The following CXXC5 variants were observed in gnomAD, a reference collection of about 807,000 sequenced individuals.
CXXC5 encodes CXXC-type zinc finger protein 5.
CXXC5 carries 2 observed loss-of-function variants against 17.6 expected under a neutral mutation model. The observed-to-expected ratio is 0.11, with a 90% CI of 0.05 to 0.36. The LOEUF (loss-of-function observed/expected upper bound fraction) is 0.36. Among genes scored for constraint, CXXC5 ranks in the 10% least tolerant of loss-of-function variants. The pLI, the probability that CXXC5 is intolerant of heterozygous loss-of-function variation, is 1.00. For missense variants in CXXC5, 343 were observed against 458.3 expected (o/e 0.75, Z 2.30); for synonymous variants, 171 against 193.0 (o/e 0.89, Z 0.94).
At chr5:139,669,718 A>G (rs190419195) in intron 1 of CXXC5, among the ~76,000 whole-genome samples, 2 of 151,926 alleles carry the variant, frequency 1.3e-5, no homozygotes, top group East Asian at 3.9e-4. Context: ...CTTCCCTTCT[A>G]CACACACACT....
intron 1 of CXXC5, among the ~76,000 whole-genome samples, chr5:139,671,396 C>T (rs1038205315): frequency 1.3e-5 from 2 of 152,228 alleles, no homozygotes; most frequent in Non-Finnish European, 2.9e-5. Context: ...CCCCTCTCTT[C>T]CTCCTCCAGC....
chr5:139,658,898 G>C lies in CXXC5; in HGVS notation c.-161+10053G>C, dbSNP rs899892958. Among the ~76,000 whole-genome samples the C allele has an allele frequency of 3.3e-5, 5 of 152,236 alleles. No individual in the cohort carries two copies. Among genetic ancestry groups the C allele is most frequent in the Admixed American group, 6.5e-5 (1 of 15,284 alleles). On this transcript the variant is annotated intron_variant, in intron 1 of 2. Transcript: ENST00000302517. This position sits in a 1 kb window ranked among gnomAD's most constrained non-coding sequence, Gnocchi z 4.1. ...GTGTCATCTAGAGCAGCCTAGCTGG[G>C]CGTTTGAACCCAGAACACTGAGAGA... is the stretch of plus-strand genomic sequence containing the variant.
rs1048868239 is a variant in CXXC5, at chr5:139,668,769, G to C, written c.-160-11595G>C. Among the ~76,000 whole-genome samples, 5 of 152,216 alleles carry C rather than the reference G, an allele frequency of 3.3e-5. No individual in the cohort carries two copies. The highest frequency in any genetic ancestry group is 1.3e-4 in the Admixed American group (2 of 15,292). On this transcript the variant is annotated intron_variant, in intron 1 of 2. Coordinates refer to ENST00000302517, the MANE Select transcript of CXXC5 (RefSeq NM_016463.9). The surrounding 1 kb of genome is among the most constrained non-coding windows in gnomAD (Gnocchi z 4.1). ...GAGAAGGCTGGGGGATGACTGATAGGGGGAGTCGGGAGGGGATGTTGAGCC... is the reference window on the plus strand; with the variant it reads ...GAGAAGGCTGGGGGATGACTGATAGCGGGAGTCGGGAGGGGATGTTGAGCC...
intron 1 of CXXC5, among the ~76,000 whole-genome samples, chr5:139,673,854 AAGAG>A (rs1554084638): frequency 1.7e-4 from 25 of 146,940 alleles, no homozygotes; most frequent in South Asian, 1.3e-3. Flanking sequence ...AAAAAAAAAA[AAGAG>A]AGAGAGAAAA....
chr5:139,656,090 G>A (rs1242817735), intron 1 of CXXC5, among the ~76,000 whole-genome samples: 1 of 152,228 alleles, frequency 6.6e-6, no homozygotes, highest in Non-Finnish European at 1.5e-5. Context: ...CCTCAGACGT[G>A]CCCAGCCTGC....
chr5:139,669,608 C>A (rs556062117), intron 1 of CXXC5, among the ~76,000 whole-genome samples: 22 of 152,156 alleles, frequency 1.4e-4, no homozygotes, highest in Non-Finnish European at 2.1e-4. Flanking sequence ...GATGTGGCCA[C>A]ACTCATTTCA....
chr5:139,678,392 C>G (rs961032705), intron 1 of CXXC5, among the ~76,000 whole-genome samples: 25 of 152,328 alleles, frequency 1.6e-4, no homozygotes, highest in African/African-American at 5.8e-4. Flanking sequence ...CCCAACCCAG[C>G]CTGGATTCCC....
At chr5:139,673,699 A>G (rs1039813217) in intron 1 of CXXC5, among the ~76,000 whole-genome samples, 2 of 152,058 alleles carry the variant, frequency 1.3e-5, no homozygotes, top group African/African-American at 4.8e-5. Context: ...AAAATTAGCC[A>G]GGTGTGGTGG....
rs1757155433 is a variant in CXXC5, at chr5:139,680,789, G to T, written c.266G>T (p.Gly89Val). 1 of 1,613,380 alleles carries T rather than the reference G, an allele frequency of 6.2e-7. No homozygotes were observed. The highest frequency in any genetic ancestry group is 2.2e-5 in the East Asian group (1 of 44,876). Residue 89 changes from glycine (G) to valine (V), a missense_variant, in exon 2 of 3, where the codon GGT becomes GTT. By Grantham distance (109) the Gly-to-Val change is moderately radical (BLOSUM62 -3). Coordinates refer to ENST00000302517, the MANE Select transcript of CXXC5 (RefSeq NM_016463.9). ...CACTACTCTTCTTTTGGCAGCAGTG[G>T]TGGTAGTGGCGGTGGCAGCATGATG... ...LSHYSSFGSS[G>V]GSGGGSMMGG...
chr5:139,678,135 C>T (rs1756965936), intron 1 of CXXC5, among the ~76,000 whole-genome samples: 1 of 152,210 alleles, frequency 6.6e-6, no homozygotes, highest in Admixed American at 6.5e-5. Flanking sequence ...GGTTGTCGTC[C>T]AGGGCAGGGC....
intron 1 of CXXC5, among the ~76,000 whole-genome samples, chr5:139,675,188 G>A (rs924623309): frequency 4.6e-5 from 7 of 152,184 alleles, no homozygotes; most frequent in Non-Finnish European, 7.3e-5. Flanking sequence ...GTCGAGGTAG[G>A]TGCAGGGAAG....
chr5:139,669,226 A>G (rs1012114770), intron 1 of CXXC5, among the ~76,000 whole-genome samples: 6 of 152,180 alleles, frequency 3.9e-5, no homozygotes, highest in African/African-American at 1.4e-4. Context: ...CGCCCGCTCT[A>G]AGCGTGAGCT....
intron 1 of CXXC5, among the ~76,000 whole-genome samples, chr5:139,656,559 G>A (rs1312300753): frequency 6.6e-6 from 1 of 152,220 alleles, no homozygotes; most frequent in African/African-American, 2.4e-5. Flanking sequence ...TTCATCAGAT[G>A]CTTATTGGGG....
At chr5:139,667,976 A>T (rs188652724) in intron 1 of CXXC5, among the ~76,000 whole-genome samples, 13 of 152,226 alleles carry the variant, frequency 8.5e-5, no homozygotes, top group African/African-American at 2.9e-4. Flanking sequence ...GTTCCTAATT[A>T]GTCAGCGCTC....
Position 139,648,700 on chromosome 5 carries a change from G to A in CXXC5, c.-306G>A, listed in dbSNP as rs1271895345. ...GGGCCAGCCGCGGCGGCGCGACTCG[G>A]GCTCCGGACCCGGGCACTGCTGGCG... On this transcript the variant is annotated 5_prime_UTR_variant, in exon 1 of 3. Coordinates refer to ENST00000302517, the MANE Select transcript of CXXC5 (RefSeq NM_016463.9). 3 of 151,744 alleles carry A rather than the reference G, an allele frequency of 2.0e-5. No individual in the cohort carries two copies. Among genetic ancestry groups the A allele is most frequent in the Admixed American group, 1.3e-4 (2 of 15,246 alleles). 9.4% of individuals were successfully genotyped at this position (151,744 alleles called of 1,614,324 possible). A position where few individuals can be genotyped will look rare whatever the true frequency, so the allele number is the denominator to read the frequency against.
chr5:139,656,136 G>T (rs73790672), intron 1 of CXXC5, among the ~76,000 whole-genome samples: 1 of 152,286 alleles, frequency 6.6e-6, no homozygotes, highest in Non-Finnish European at 1.5e-5. Flanking sequence ...CAGTACGGGC[G>T]TAATGTTCGG....
intron 1 of CXXC5, among the ~76,000 whole-genome samples, chr5:139,677,902 C>T (rs975070958): frequency 2.0e-5 from 3 of 152,248 alleles, no homozygotes; most frequent in African/African-American, 2.4e-5. Context: ...TTGACCTGCC[C>T]GCCCCGCACG....
At chr5:139,659,325 A>T (rs1755655490) in intron 1 of CXXC5, among the ~76,000 whole-genome samples, 1 of 152,124 alleles carries the variant, frequency 6.6e-6, no homozygotes, top group African/African-American at 2.4e-5. Context: ...GTTGTCAGGA[A>T]GTGTTTCCTC....
rs544670650 is a variant in CXXC5 at position 139,658,988 on chromosome 5, A to T, written c.-161+10143A>T. 1.2e-4 allele frequency among the ~76,000 whole-genome samples: 19 copies of T among 152,178 alleles called. No individual in the cohort carries two copies. The highest frequency in any genetic ancestry group is 4.3e-4 in the African/African-American group (18 of 41,530). On this transcript the variant is annotated intron_variant, in intron 1 of 2. Coordinates refer to ENST00000302517, the MANE Select transcript of CXXC5 (RefSeq NM_016463.9). This position sits in a 1 kb window ranked among gnomAD's most constrained non-coding sequence, Gnocchi z 4.1. The stretch of plus-strand genomic sequence containing the variant: ...AGGGCTCAATTGACTCCTGAGGCAG[A>T]AAGTGTGGTGGGAGGCAAAGGAATA...
Sources: gnomAD v4.1 joint callset for allele counts (sites outside exome capture counted in the v4.1 genomes callset) on GRCh38, gnomAD v4.1.1 for gene constraint, Gnocchi (gnomAD v3.1) non-coding constraint, MANE v1.5 for transcripts, NCBI Gene and HGNC (gene_info 2026-07-23, HGNC 2026-07-21) for gene names.